Variants in DNAH5 observed in about 807,000 individuals in gnomAD.
DNAH5 encodes dynein axonemal heavy chain 5.
A neutral mutation model predicts 518.2 loss-of-function variants in DNAH5; 372 were observed. That is an observed-to-expected ratio of 0.72 (90% CI 0.66 to 0.78). The LOEUF (loss-of-function observed/expected upper bound fraction) is 0.78, where lower values mean the gene tolerates loss of function less well. Among genes scored for constraint, DNAH5 ranks in the 30% least tolerant of loss-of-function variants. The pLI, the probability that DNAH5 is intolerant of heterozygous loss-of-function variation, is 0.00. For synonymous variants in DNAH5, 2,039 were observed against 2,025.9 expected (o/e 1.01, Z -0.17); for missense variants, 5,523 against 5,687.0 (o/e 0.97, Z 0.93).
intron 16 of DNAH5, among the ~76,000 whole-genome samples, chr5:13,892,587 A>G (rs909411843): frequency 1.3e-5 from 2 of 152,238 alleles, no homozygotes; most frequent in Non-Finnish European, 2.9e-5. Flanking sequence ...AGAAAACAAG[A>G]ACAAGAAGTT....
Position 13,931,250 on chromosome 5 carries a change from A to G in DNAH5, c.58-6T>C, listed in dbSNP as rs770332926. 8 of 1,613,952 alleles carry G rather than the reference A, an allele frequency of 5.0e-6. No homozygotes were observed. Among genetic ancestry groups the G allele is most frequent in the Non-Finnish European group, 6.8e-6 (8 of 1,179,926 alleles). On this transcript the variant is annotated splice_region_variant and splice_polypyrimidine_tract_variant and intron_variant, in intron 1 of 78. Coordinates refer to ENST00000265104, the MANE Select transcript of DNAH5 (RefSeq NM_001369.3). ...TTCTCTCCCTTCAGTCTTTGCTAAA[A>G]GAAAAGAATAAAAATGTTACATGGA...
Position 13,735,879 on chromosome 5 carries a change from T to A in DNAH5, c.11509A>T (p.Asn3837Tyr), listed in dbSNP as rs750300999. 3.1e-6 allele frequency: 5 copies of A among 1,614,126 alleles called. No individual in the cohort carries two copies. In the South Asian group the frequency reaches 5.5e-5, roughly 18 times the overall value. Residue 3837 changes from asparagine (N) to tyrosine (Y), a missense_variant, in exon 67 of 79, where the codon AAT becomes TAT. Physicochemically the swap from Asn to Tyr is moderately radical, Grantham distance 143 (BLOSUM62 -2). Transcript: ENST00000265104. ...CGAAGCGAAGTCTGATACATCTCAT[T>A]AACCAAGCGCATCTCAGTAATGAGG... ...YFLITEMRLV[N>Y]EMYQTSLRQF...
chr5:13,931,100 C>A lies in DNAH5; in HGVS notation c.192+10G>T, dbSNP rs778696977. ...ATCATCAAGTCAGTGAGAAGTGAAACGCATCCCACCTGATTCCCTTCAAGA... is the reference window on the plus strand; with the variant it reads ...ATCATCAAGTCAGTGAGAAGTGAAAAGCATCCCACCTGATTCCCTTCAAGA... On this transcript the variant is annotated intron_variant, in intron 2 of 78. Coordinates refer to ENST00000265104, the MANE Select transcript of DNAH5 (RefSeq NM_001369.3). The A allele has an allele frequency of 6.2e-7, 1 of 1,613,910 alleles. No individual in the cohort carries two copies. The highest frequency in any genetic ancestry group is 8.5e-7 in the Non-Finnish European group (1 of 1,179,934).
intron 66 of DNAH5, 42 bp downstream of exon 66, chr5:13,737,210 T>C (rs1171408363): frequency 1.9e-6 from 3 of 1,612,916 alleles, no homozygotes; most frequent in Non-Finnish European, 2.5e-6. Flanking sequence ...TCCTCTCTCA[T>C]TTCATTTTCC....
chr5:13,954,986 C>T (rs1780663185), intron 1 of DNAH5, among the ~76,000 whole-genome samples: 1 of 152,182 alleles, frequency 6.6e-6, no homozygotes, highest in Non-Finnish European at 1.5e-5. Flanking sequence ...CTTAGGACCA[C>T]ACAATCAACG....
chr5:13,792,171 T>C lies in DNAH5; in HGVS notation c.8271A>G (p.Glu2757=). 1 of 1,614,012 alleles carries C rather than the reference T, an allele frequency of 6.2e-7. No individual in the cohort carries two copies. Among genetic ancestry groups the C allele is most frequent in the South Asian group, 1.1e-5 (1 of 91,060 alleles). ...ATTTTGTCACAGAATCTCTCACTTC[T>C]TCTGAGAAACCCCTCTGAGTACAGT... ...GHYCTQRGFS[E]EVRDSVTKLV... The change falls in exon 50 of 79, where the codon GAA becomes GAG. Residue 2757 remains glutamate, a synonymous_variant. Coordinates refer to ENST00000265104, the MANE Select transcript of DNAH5 (RefSeq NM_001369.3).
chr5:14,010,631 A>T (rs1477674722), intron 1 of DNAH5, among the ~76,000 whole-genome samples: 1 of 152,238 alleles, frequency 6.6e-6, no homozygotes, highest in South Asian at 2.1e-4. Flanking sequence ...TAAACACAAA[A>T]TATAGTGAAA....
intron 38 of DNAH5, among the ~76,000 whole-genome samples, chr5:13,828,518 A>G (rs886731848): frequency 2.6e-5 from 4 of 152,214 alleles, no homozygotes; most frequent in Non-Finnish European, 5.9e-5. Flanking sequence ...CTTCTAACTA[A>G]TAGAATACAG....
At chr5:13,877,537 C>A (rs1771064059) in intron 21 of DNAH5, among the ~76,000 whole-genome samples, 1 of 152,208 alleles carries the variant, frequency 6.6e-6, no homozygotes, top group African/African-American at 2.4e-5. Flanking sequence ...ACCCAATACA[C>A]ATCTATTCTC....
intron 1 of DNAH5, among the ~76,000 whole-genome samples, chr5:13,959,566 GCCA>G (rs1392812144): frequency 6.6e-6 from 1 of 152,176 alleles, no homozygotes; most frequent in African/African-American, 2.4e-5. Flanking sequence ...AAGGATTGGG[GCCA>G]CCAAGGCAGA....
rs113015643 is a variant in DNAH5, at chr5:13,901,709, G to A, written c.1731-136C>T. The A allele has an allele frequency of 3.5e-4, 214 of 616,964 alleles. 2 individuals carry two copies. Among genetic ancestry groups the A allele is most frequent in the African/African-American group, 3.3e-3 (177 of 53,276 alleles). 38.2% of individuals were successfully genotyped at this position (616,964 alleles called of 1,614,324 possible). ...ATGGAAAAGAATGAGATATTTACATGGAATATTAAAAGAATAAAAATAAAA... is the reference window on the plus strand; with the variant it reads ...ATGGAAAAGAATGAGATATTTACATAGAATATTAAAAGAATAAAAATAAAA... On this transcript the variant is annotated intron_variant, in intron 13 of 78. Coordinates refer to ENST00000265104, the MANE Select transcript of DNAH5 (RefSeq NM_001369.3).
At position 13,923,375 on chromosome 5, in the gene DNAH5, C is replaced by T. The variant is rs141691604; in HGVS notation, c.343G>A (p.Val115Met). 88 of 1,614,202 alleles carry T rather than the reference C, an allele frequency of 5.5e-5. No individual in the cohort carries two copies. Among genetic ancestry groups the T allele is most frequent in the African/African-American group, 3.9e-4 (29 of 75,062 alleles). The change falls in exon 4 of 79, where the codon GTG (valine) becomes ATG (methionine). Residue 115 changes from valine (V) to methionine (M), a missense_variant. Around this residue, in one of 3 missense-constraint regions of DNAH5, gnomAD observed 5,121 missense variants for 5,223.3 expected, o/e 0.98. Transcript: ENST00000265104. ...AGAGCCACATCGTTTCCCTCGGTCA[C>T]GAACACCTTAGGTTTTTTAATCTTT... ...SGKIKKPKVF[V>M]TEGNDVALTG...
chr5:13,859,655 T>C, intron 29 of DNAH5, 50 bp from the exon 30 acceptor site: 6 of 1,564,398 alleles, frequency 3.8e-6, no homozygotes, highest in Non-Finnish European at 5.3e-6. Flanking sequence ...GTTGTGCTGT[T>C]GTTTCAAATT....
chr5:13,753,999 GCA>G (rs371698023), intron 62 of DNAH5, among the ~76,000 whole-genome samples: 4 of 150,798 alleles, frequency 2.7e-5, no homozygotes, highest in African/African-American at 7.3e-5. Flanking sequence ...ATGGCTGGAG[GCA>G]CACACACACA....
chr5:13,920,394 G>T, intron 6 of DNAH5, 86 bp downstream of exon 6: 2 of 1,561,302 alleles, frequency 1.3e-6, no homozygotes, highest in Non-Finnish European at 1.8e-6. Context: ...CTTAACAAAT[G>T]GAATGTCGTA....
At chr5:13,882,852 T>C (rs758634479) in intron 20 of DNAH5, 37 bp from the exon 21 acceptor site, 10 of 1,613,560 alleles carry the variant, frequency 6.2e-6, no homozygotes, top group Non-Finnish European at 8.5e-6. Context: ...TTCTGTCCTA[T>C]CTGTAAAAGA....
At chr5:13,944,905 A>C (rs1779788329), upstream of DNAH5, among the ~76,000 whole-genome samples, 1 of 152,246 alleles carries the variant, frequency 6.6e-6, no homozygotes, top group South Asian at 2.1e-4. Context: ...TTAGAAATCC[A>C]AGAAGCCACA....
intron 14 of DNAH5, among the ~76,000 whole-genome samples, chr5:13,900,977 T>C (rs1265681318): frequency 3.3e-5 from 5 of 152,258 alleles, no homozygotes; most frequent in Admixed American, 2.6e-4. Flanking sequence ...GATATCCTAA[T>C]AGATTGGGCA....
At chr5:13,971,494 C>G (rs557778794) in intron 1 of DNAH5, among the ~76,000 whole-genome samples, 18 of 152,222 alleles carry the variant, frequency 1.2e-4, no homozygotes, top group African/African-American at 4.3e-4. Context: ...CTCCCCCTTC[C>G]CCTAGGGATA....
Sources: gnomAD v4.1 joint callset for allele counts (sites outside exome capture counted in the v4.1 genomes callset) on GRCh38, gnomAD v4.1.1 for gene constraint, gnomAD v4.1.1 regional missense constraint, MANE v1.5 for transcripts, NCBI Gene and HGNC (gene_info 2026-07-23, HGNC 2026-07-21) for gene names.